The following ATXN1 variants were observed in gnomAD, a reference collection of about 807,000 sequenced individuals.
ATXN1 encodes ataxin-1.
ATXN1 carries 8 observed loss-of-function variants against 56.4 expected under a neutral mutation model. The ratio of observed to expected loss-of-function variants is 0.14; its 90% CI spans 0.08 to 0.26. The LOEUF is 0.26. Ranked by LOEUF, ATXN1 falls within the 10% of genes least tolerant of loss-of-function variation. The probability of loss-of-function intolerance (pLI) is 1.00; values close to 1 mark genes in which losing one functional copy is unlikely to be tolerated. For synonymous variants in ATXN1, 514 were observed against 494.6 expected, an observed-to-expected ratio of 1.04 and a Z score of -0.52; for missense variants, 987 against 1,106.5, an observed-to-expected ratio of 0.89 and a Z score of 1.53.
At chr6:16,467,562 C>CG in intron 6 of ATXN1, among the ~76,000 whole-genome samples, 1 of 152,316 alleles carries the variant, frequency 6.6e-6, no homozygotes, top group East Asian at 1.9e-4. Flanking sequence ...TTTAAAGACT[C>CG]TATCTACCAT....
chr6:16,583,911 A>G (rs923329911), intron 4 of ATXN1, among the ~76,000 whole-genome samples: 4 of 152,176 alleles, frequency 2.6e-5, no homozygotes. Context: ...GGATTATACT[A>G]TGGTTCATGC....
At chr6:16,563,359 G>A (rs1405611804) in intron 4 of ATXN1, among the ~76,000 whole-genome samples, 1 of 152,166 alleles carries the variant, frequency 6.6e-6, no homozygotes, top group Non-Finnish European at 1.5e-5. Flanking sequence ...AGCTGTGCAG[G>A]TGATGGGGAT....
intron 2 of ATXN1, among the ~76,000 whole-genome samples, chr6:16,679,344 G>C (rs1264000194): frequency 7.2e-6 from 1 of 139,156 alleles, no homozygotes; most frequent in Non-Finnish European, 1.6e-5. Context: ...AGGTGGATGG[G>C]AGGATAGATA....
At chr6:16,628,118 C>T (rs547607865) in intron 3 of ATXN1, among the ~76,000 whole-genome samples, 9 of 152,322 alleles carry the variant, frequency 5.9e-5, no homozygotes, top group African/African-American at 9.6e-5. Flanking sequence ...GTACAGCCTC[C>T]GTACAGATCC....
At chr6:16,565,398 A>C (rs1762199443) in intron 4 of ATXN1, among the ~76,000 whole-genome samples, 1 of 152,202 alleles carries the variant, frequency 6.6e-6, no homozygotes, top group Non-Finnish European at 1.5e-5. Context: ...TTGATGTTTG[A>C]TTTATCTGAT....
chr6:16,618,972 A>G (rs1422047243), intron 3 of ATXN1, among the ~76,000 whole-genome samples: 1 of 152,198 alleles, frequency 6.6e-6, no homozygotes, highest in African/African-American at 2.4e-5. Context: ...GACAAAAATA[A>G]GCAATGAACA....
At chr6:16,759,530 GTTTTTTTTTTTTT>G (rs1046854905) in intron 1 of ATXN1, among the ~76,000 whole-genome samples, 1 of 45,926 alleles carries the variant, frequency 2.2e-5, no homozygotes, top group African/African-American at 8.6e-5. Context: ...TCTTCCGACT[GTTTTTTTTTTTTT>G]TTTTTTTTTT....
intron 2 of ATXN1, among the ~76,000 whole-genome samples, chr6:16,743,539 G>C (rs114337946): frequency 6.6e-6 from 1 of 152,202 alleles, no homozygotes; most frequent in African/African-American, 2.4e-5. Context: ...ATCACAGGGG[G>C]AATGCCCGTA....
chr6:16,720,308 T>TG (rs1759720848), intron 2 of ATXN1, among the ~76,000 whole-genome samples: 1 of 152,150 alleles, frequency 6.6e-6, no homozygotes, highest in Admixed American at 6.5e-5. Flanking sequence ...TACTCTATTT[T>TG]GGGGGGTCTG....
chr6:16,681,245 C>T (rs1386877680), intron 2 of ATXN1, among the ~76,000 whole-genome samples: 1 of 152,218 alleles, frequency 6.6e-6, no homozygotes, highest in Non-Finnish European at 1.5e-5. Context: ...TGTCAATCAA[C>T]AATGCCCCTG....
intron 6 of ATXN1, among the ~76,000 whole-genome samples, chr6:16,382,607 G>A (rs568248458): frequency 2.6e-4 from 40 of 152,122 alleles, no homozygotes; most frequent in Non-Finnish European, 4.9e-4. Context: ...ATCCAAAATT[G>A]TTTTAAAATA....
At chr6:16,709,843 A>G (rs975629123) in intron 2 of ATXN1, among the ~76,000 whole-genome samples, 1 of 152,196 alleles carries the variant, frequency 6.6e-6, no homozygotes, top group Admixed American at 6.5e-5. Flanking sequence ...ATATCCAGCA[A>G]TAGGTCAAAA....
At chr6:16,556,012 T>C (rs1762006350) in intron 4 of ATXN1, among the ~76,000 whole-genome samples, 1 of 152,218 alleles carries the variant, frequency 6.6e-6, no homozygotes, top group Admixed American at 6.5e-5. Context: ...AATGGCACCA[T>C]CAAAAAGAAT....
Position 16,398,390 on chromosome 6 carries a change from A to G in ATXN1, c.-160-69920T>C, listed in dbSNP as rs1758496774. Among the ~76,000 whole-genome samples the G allele has an allele frequency of 2.6e-5, 4 of 152,384 alleles. No individual in the cohort carries two copies. In the South Asian group the frequency reaches 8.3e-4, roughly 32 times the overall value. Reference sequence around the variant, plus strand: ...AAGAGAAGCCTAAGGCATCTAATTTAAATTCAAATAGAAGTAATCGTGAAT... The same window carrying G: ...AAGAGAAGCCTAAGGCATCTAATTTGAATTCAAATAGAAGTAATCGTGAAT... On this transcript the variant is annotated intron_variant, in intron 6 of 7. Transcript: ENST00000436367.
intron 3 of ATXN1, among the ~76,000 whole-genome samples, chr6:16,647,447 A>T (rs1158244865): frequency 6.6e-6 from 1 of 152,198 alleles, no homozygotes; most frequent in Non-Finnish European, 1.5e-5. Flanking sequence ...TCAACACATC[A>T]TACTGTTTCT....
intron 3 of ATXN1, among the ~76,000 whole-genome samples, chr6:16,599,854 T>C (rs1285914468): frequency 6.6e-6 from 1 of 152,198 alleles, no homozygotes; most frequent in Non-Finnish European, 1.5e-5. Flanking sequence ...GTTCCTTCTG[T>C]TCCCCCAAGA....
At chr6:16,460,828 C>T (rs569458248) in intron 6 of ATXN1, among the ~76,000 whole-genome samples, 3 of 152,214 alleles carry the variant, frequency 2.0e-5, no homozygotes, top group African/African-American at 7.2e-5. Context: ...CTCTTCCCCC[C>T]ACGGACCAGC....
intron 4 of ATXN1, among the ~76,000 whole-genome samples, chr6:16,555,010 C>T (rs1761986235): frequency 1.3e-5 from 2 of 152,334 alleles, no homozygotes; most frequent in South Asian, 4.1e-4. Flanking sequence ...AACTCCCCAT[C>T]TCATACCCTG....
At chr6:16,593,598 G>A (rs1374073220) in intron 3 of ATXN1, among the ~76,000 whole-genome samples, 1 of 152,032 alleles carries the variant, frequency 6.6e-6, no homozygotes, top group East Asian at 1.9e-4. Flanking sequence ...CTCTCCAGGG[G>A]TAACCACTAT....
Sources: gnomAD v4.1 joint callset for allele counts (sites outside exome capture counted in the v4.1 genomes callset) on GRCh38, gnomAD v4.1.1 for gene constraint, MANE v1.5 for transcripts, NCBI Gene and HGNC (gene_info 2026-07-23, HGNC 2026-07-21) for gene names.